Variants in ARHGAP26 observed in about 807,000 individuals in gnomAD.
The protein encoded by ARHGAP26 is rho GTPase-activating protein 26.
ARHGAP26 carries 38 observed loss-of-function variants against 104.8 expected under a neutral mutation model. The observed-to-expected ratio is 0.36, with a 90% CI of 0.28 to 0.48. ARHGAP26 has a LOEUF of 0.48. Among genes scored for constraint, ARHGAP26 ranks in the 20% least tolerant of loss-of-function variants. The probability of loss-of-function intolerance (pLI) is 0.99; values close to 1 mark genes in which losing one functional copy is unlikely to be tolerated. For missense variants in ARHGAP26, 704 were observed against 947.9 expected, an observed-to-expected ratio of 0.74 and a Z score of 3.38; for synonymous variants, 341 against 340.0, an observed-to-expected ratio of 1.00 and a Z score of -0.03.
At chr5:142,803,694 G>C (rs1762466015) in intron 1 of ARHGAP26, among the ~76,000 whole-genome samples, 1 of 152,228 alleles carries the variant, frequency 6.6e-6, no homozygotes, top group African/African-American at 2.4e-5. Flanking sequence ...CCCTGGAGCA[G>C]TTAGAGGTCA....
At chr5:142,960,180 A>G (rs996518856) in intron 11 of ARHGAP26, among the ~76,000 whole-genome samples, 1 of 152,260 alleles carries the variant, frequency 6.6e-6, no homozygotes, top group Non-Finnish European at 1.5e-5. Flanking sequence ...ATACTATAAA[A>G]GCACAGTGAT....
chr5:143,161,426 G>A (rs965108060), intron 20 of ARHGAP26, among the ~76,000 whole-genome samples: 2 of 152,168 alleles, frequency 1.3e-5, no homozygotes, highest in African/African-American at 4.8e-5. Flanking sequence ...ATTGTGAAAT[G>A]TAAGTAGTTC....
chr5:142,877,121 T>G (rs1380673123), intron 3 of ARHGAP26, among the ~76,000 whole-genome samples: 1 of 152,162 alleles, frequency 6.6e-6, no homozygotes, highest in Non-Finnish European at 1.5e-5. Flanking sequence ...AATGACTGGA[T>G]TATACTTTTC....
At chr5:142,914,410 A>G (rs1304349740) in intron 10 of ARHGAP26, among the ~76,000 whole-genome samples, 1 of 152,266 alleles carries the variant, frequency 6.6e-6, no homozygotes, top group Admixed American at 6.5e-5. Context: ...CTTAGTAGCC[A>G]TGTGACTTTG....
intron 18 of ARHGAP26, among the ~76,000 whole-genome samples, chr5:143,121,506 T>C (rs1796131567): frequency 6.6e-6 from 1 of 152,250 alleles, no homozygotes; most frequent in Non-Finnish European, 1.5e-5. Context: ...GGAAACATGC[T>C]TTGCCCATTT....
chr5:142,842,529 A>G (rs1771015995), intron 1 of ARHGAP26, among the ~76,000 whole-genome samples: 1 of 152,216 alleles, frequency 6.6e-6, no homozygotes, highest in African/African-American at 2.4e-5. Context: ...GTGGAGTAGG[A>G]TAGAATAGAA....
intron 20 of ARHGAP26, among the ~76,000 whole-genome samples, chr5:143,175,154 C>T (rs1169057544): frequency 6.6e-6 from 1 of 152,222 alleles, no homozygotes; most frequent in African/African-American, 2.4e-5. Context: ...AGGGCTAACT[C>T]TTACTTTTTG....
intron 1 of ARHGAP26, among the ~76,000 whole-genome samples, chr5:142,861,493 A>C (rs991471759): frequency 1.3e-5 from 2 of 151,886 alleles, no homozygotes; most frequent in Admixed American, 6.6e-5. Context: ...GGAGTGTCTG[A>C]GCTGTGTCCA....
intron 1 of ARHGAP26, among the ~76,000 whole-genome samples, chr5:142,843,356 A>G (rs1156504834): frequency 4.6e-5 from 7 of 152,210 alleles, no homozygotes. Flanking sequence ...GGATGCAGGG[A>G]CATGGGCTCA....
chr5:143,040,443 A>G (rs1329425111), intron 13 of ARHGAP26, among the ~76,000 whole-genome samples: 1 of 152,088 alleles, frequency 6.6e-6, no homozygotes, highest in African/African-American at 2.4e-5. Context: ...ACTGGCCTTG[A>G]TGGAGTATAA....
At position 143,037,213 on chromosome 5, in the gene ARHGAP26, A is replaced by G. The variant is rs1295821921; in HGVS notation, c.1162A>G (p.Ile388Val). 3 of 1,604,274 alleles carry G rather than the reference A, an allele frequency of 1.9e-6. No individual in the cohort carries two copies. The highest frequency in any genetic ancestry group is 2.2e-5 in the East Asian group (1 of 44,768). Residue 388 changes from isoleucine to valine, a missense_variant, in exon 13 of 23, where the codon ATT becomes GTT. By Grantham distance (29) the Ile-to-Val change is conservative. Coordinates refer to ENST00000645722, the MANE Select transcript of ARHGAP26 (RefSeq NM_001135608.3). ...QSEGTAQLDS[I>V]GFSIIRKCIH... Reference sequence around the variant, plus strand: ...TCTTTCAGCTGCGCAGTTGGACAGCATTGGCTTCAGCATAATCAGGAAATG... The same window carrying G: ...TCTTTCAGCTGCGCAGTTGGACAGCGTTGGCTTCAGCATAATCAGGAAATG...
At chr5:143,083,977 A>G (rs1210439129) in intron 17 of ARHGAP26, among the ~76,000 whole-genome samples, 1 of 152,246 alleles carries the variant, frequency 6.6e-6, no homozygotes, top group Non-Finnish European at 1.5e-5. Flanking sequence ...TCTTCAAGAT[A>G]AGAGGAGACA....
rs1008279817 is a variant in ARHGAP26 at position 143,213,510 on chromosome 5, A to G, written c.2100-487A>G. On this transcript the variant is annotated intron_variant, in intron 21 of 22. Coordinates refer to ENST00000645722, the MANE Select transcript of ARHGAP26 (RefSeq NM_001135608.3). ...AAATCAGGAACATCTGGGAGAGCTC[A>G]TGTCCGCCCGTGGCCTGGAACTGAA... Among the ~76,000 whole-genome samples the G allele has an allele frequency of 3.9e-5, 6 of 152,328 alleles. No individual in the cohort carries two copies. In the East Asian group the frequency reaches 7.7e-4, roughly 20 times the overall value.
intron 17 of ARHGAP26, among the ~76,000 whole-genome samples, chr5:143,084,338 T>C (rs1245904881): frequency 1.3e-5 from 2 of 152,248 alleles, no homozygotes; most frequent in African/African-American, 4.8e-5. Flanking sequence ...CCATGAGCTC[T>C]AGATTCTCAT....
intron 5 of ARHGAP26, among the ~76,000 whole-genome samples, chr5:142,886,647 C>A (rs564398971): frequency 6.6e-6 from 1 of 151,882 alleles, no homozygotes; most frequent in South Asian, 2.1e-4. Context: ...GAAACAAAAG[C>A]GGAGGAAGTG....
At chr5:142,813,238 A>G (rs1764473872) in intron 1 of ARHGAP26, among the ~76,000 whole-genome samples, 1 of 152,172 alleles carries the variant, frequency 6.6e-6, no homozygotes, top group Admixed American at 6.5e-5. Flanking sequence ...ACCAAATTCT[A>G]TATAATTTCT....
At chr5:143,213,268 T>C (rs1414772248) in intron 21 of ARHGAP26, among the ~76,000 whole-genome samples, 3 of 152,152 alleles carry the variant, frequency 2.0e-5, no homozygotes, top group Non-Finnish European at 4.4e-5. Context: ...ATTGTAAACA[T>C]TCAACGGACA....
At chr5:142,960,700 T>C (rs571376758) in intron 11 of ARHGAP26, among the ~76,000 whole-genome samples, 9 of 152,240 alleles carry the variant, frequency 5.9e-5, no homozygotes, top group East Asian at 1.9e-4. Context: ...GCTTAATTTA[T>C]TGAGAAAAGT....
chr5:142,900,148 A>T (rs1760089778), intron 6 of ARHGAP26, among the ~76,000 whole-genome samples: 1 of 152,138 alleles, frequency 6.6e-6, no homozygotes, highest in South Asian at 2.1e-4. Flanking sequence ...GAATGCTGGG[A>T]CTCGGTTTGG....
Sources: allele counts gnomAD v4.1 joint callset (sites outside exome capture counted in the v4.1 genomes callset), GRCh38; gene constraint gnomAD v4.1.1; transcripts MANE v1.5; gene names NCBI Gene and HGNC (gene_info 2026-07-23, HGNC 2026-07-21).